FAAH2: variants seen among roughly 807,000 people sequenced by gnomAD.
FAAH2 encodes the protein fatty-acid amide hydrolase 2.
FAAH2 carries 60 observed loss-of-function variants against 36.9 expected under a neutral mutation model. That is an observed-to-expected ratio of 1.63 (90% CI 1.32 to 2.02). The LOEUF is 2.02. Ranked by LOEUF, FAAH2 falls within the 30% of genes most tolerant of loss-of-function variation. FAAH2 has a pLI of 0.00. For synonymous variants in FAAH2, 214 were observed against 143.8 expected (o/e 1.49, Z -3.49); for missense variants, 689 against 397.5 (o/e 1.73, Z -6.23).
At chrX:57,377,553 G>C (rs183703279) in intron 5 of FAAH2, among the ~76,000 whole-genome samples, 2 of 112,172 alleles carry the variant, frequency 1.8e-5, no homozygotes, top group Admixed American at 1.9e-4. Flanking sequence ...CTGTAGCCTT[G>C]TAATATTGTT....
intron 2 of FAAH2, among the ~76,000 whole-genome samples, chrX:57,300,460 A>C (rs976177579): frequency 8.9e-6 from 1 of 112,280 alleles, no homozygotes; most frequent in South Asian, 3.7e-4. Context: ...AAATTAATTC[A>C]AGATGGATTA....
chrX:57,328,129 C>T (rs1379004602), intron 3 of FAAH2, among the ~76,000 whole-genome samples: 1 of 112,164 alleles, frequency 8.9e-6, no homozygotes, highest in Admixed American at 9.4e-5. Context: ...GCCTGGGTAT[C>T]AGCAGCAGAG....
At chrX:57,402,757 G>A (rs1158709473) in intron 7 of FAAH2, among the ~76,000 whole-genome samples, 4 of 111,750 alleles carry the variant, frequency 3.6e-5, no homozygotes, top group South Asian at 7.5e-4. Flanking sequence ...CTTCTAACAC[G>A]CAAGTTAGCA....
chrX:57,376,141 A>G (rs1050661625), intron 5 of FAAH2, among the ~76,000 whole-genome samples: 4 of 111,407 alleles, frequency 3.6e-5, no homozygotes, highest in African/African-American at 1.3e-4. Flanking sequence ...TACTATATCT[A>G]TACAATCTGT....
At chrX:57,295,243 G>A (rs1259149765) in intron 2 of FAAH2, among the ~76,000 whole-genome samples, 2 of 112,186 alleles carry the variant, frequency 1.8e-5, no homozygotes, top group African/African-American at 6.5e-5. Context: ...TAGTTCTAGA[G>A]TGTGGGAAGA....
intron 10 of FAAH2, among the ~76,000 whole-genome samples, chrX:57,477,527 A>G (rs1273572856): frequency 9.0e-6 from 1 of 110,810 alleles, no homozygotes; most frequent in Non-Finnish European, 1.9e-5. Flanking sequence ...TCTAGGGTGC[A>G]TGTGCACAAT....
intron 7 of FAAH2, among the ~76,000 whole-genome samples, chrX:57,430,274 G>A (rs1188244361): frequency 3.6e-5 from 4 of 111,726 alleles, no homozygotes; most frequent in Non-Finnish European, 5.6e-5. Flanking sequence ...AGGTCTCCTG[G>A]CATTAGTATC....
At chrX:57,315,153 A>G (rs942740288) in intron 3 of FAAH2, among the ~76,000 whole-genome samples, 2 of 111,385 alleles carry the variant, frequency 1.8e-5, no homozygotes, top group East Asian at 2.8e-4. Flanking sequence ...ATTAAAAAAT[A>G]TATAGAAAAT....
At chrX:57,251,644 C>A in the FAAH2 span, among the ~76,000 whole-genome samples, 2 of 111,964 alleles carry the variant, frequency 1.8e-5, no homozygotes, top group Admixed American at 1.9e-4. Context: ...TTCCATGAAG[C>A]TGCTGAACAA....
chrX:57,458,518 A>G, intron 10 of FAAH2, among the ~76,000 whole-genome samples: 1 of 111,397 alleles, frequency 9.0e-6, no homozygotes, highest in Non-Finnish European at 1.9e-5. Context: ...ATCCTAGAAG[A>G]AAACCTAGGA....
chrX:57,392,820 T>G (rs1381888263), intron 7 of FAAH2: 2 of 669,514 alleles, frequency 3.0e-6, no homozygotes, highest in Non-Finnish European at 5.0e-6. Context: ...ACCTTTTCGC[T>G]CTGGGTTGTG....
chrX:57,423,212 A>G (rs1270365265), intron 7 of FAAH2, among the ~76,000 whole-genome samples: 1 of 112,084 alleles, frequency 8.9e-6, no homozygotes, highest in Non-Finnish European at 1.9e-5. Context: ...CTGCACGGAA[A>G]TCTACTATCC....
At chrX:57,230,348 C>A in the FAAH2 span, among the ~76,000 whole-genome samples, 1 of 112,039 alleles carries the variant, frequency 8.9e-6, no homozygotes, top group Non-Finnish European at 1.9e-5. Context: ...CATCAGGAAA[C>A]TATCAAGAGG....
At chrX:57,470,374 G>C (rs1017707259) in intron 10 of FAAH2, among the ~76,000 whole-genome samples, 2 of 111,359 alleles carry the variant, frequency 1.8e-5, no homozygotes, top group Non-Finnish European at 3.8e-5. Context: ...AAGAAGAAAA[G>C]AGAAGAATCA....
chrX:57,370,515 T>C (rs1285477895), intron 5 of FAAH2, among the ~76,000 whole-genome samples: 2 of 111,731 alleles, frequency 1.8e-5, no homozygotes, highest in East Asian at 5.6e-4. Context: ...GCCTGCCATA[T>C]AATAACAGTT....
intron 8 of FAAH2, among the ~76,000 whole-genome samples, chrX:57,436,764 G>C (rs957773780): frequency 1.8e-5 from 2 of 111,125 alleles, no homozygotes; most frequent in African/African-American, 3.3e-5. Flanking sequence ...TAAATAATTT[G>C]TAACAAAGGA....
chrX:57,243,878 A>C, the FAAH2 span, among the ~76,000 whole-genome samples: 1 of 110,580 alleles, frequency 9.0e-6, no homozygotes, highest in Non-Finnish European at 1.9e-5. Context: ...CAAGGGAACA[A>C]AACTGAACAG....
intron 10 of FAAH2, among the ~76,000 whole-genome samples, chrX:57,464,081 G>A (rs889332373): frequency 1.8e-5 from 2 of 111,971 alleles, no homozygotes; most frequent in Non-Finnish European, 3.8e-5. Flanking sequence ...CCATAAAAAT[G>A]AATTAGTTCA....
rs764600017 is a variant in FAAH2 at position 57,489,073 on chromosome X, C to T, written c.*141C>T. 69 of 603,742 alleles carry T rather than the reference C, an allele frequency of 1.1e-4. No homozygotes were observed. The South Asian group carries it at 3.3e-3, about 29-fold the overall frequency. The allele number at this position is 603,742 out of a possible 1,213,427, so 49.8% of individuals were successfully genotyped here. A position where few individuals can be genotyped will look rare whatever the true frequency, so the allele number is the denominator to read the frequency against. On this transcript the variant is annotated 3_prime_UTR_variant, in exon 11 of 11. Coordinates refer to ENST00000374900, the MANE Select transcript of FAAH2 (RefSeq NM_174912.4). ...TTGACTCATTTAGTTATTCTTTCTA[C>T]TTTTATTTCCTTCTCTAACTGTTGG... is the stretch of plus-strand genomic sequence containing the variant.
Sources: allele counts gnomAD v4.1 joint callset (sites outside exome capture counted in the v4.1 genomes callset), GRCh38; gene constraint gnomAD v4.1.1; transcripts MANE v1.5; gene names NCBI Gene and HGNC (gene_info 2026-07-23, HGNC 2026-07-21).